MPHOSPH8: variants seen among roughly 807,000 people sequenced by gnomAD.
The protein encoded by MPHOSPH8 is M-phase phosphoprotein, mpp.
Under a neutral mutation model 87.3 loss-of-function variants are expected in MPHOSPH8, and 45 were observed. The observed-to-expected ratio is 0.52, with a 90% CI of 0.41 to 0.66. MPHOSPH8 has a LOEUF of 0.66. Ranked by LOEUF, MPHOSPH8 falls within the 30% of genes least tolerant of loss-of-function variation. The pLI, the probability that MPHOSPH8 is intolerant of heterozygous loss-of-function variation, is 0.00. For missense variants in MPHOSPH8, 883 were observed against 1,020.2 expected (o/e 0.87, Z 1.83); for synonymous variants, 366 against 376.9 (o/e 0.97, Z 0.33).
rs368354077 is a variant in MPHOSPH8 at position 19,647,224 on chromosome 13, A to C, written c.1151A>C (p.Gln384Pro). 8.7e-6 allele frequency: 14 copies of C among 1,614,090 alleles called. No homozygotes were observed. In the African/African-American group the frequency reaches 1.1e-4, roughly 12 times the overall value. ...GAGAAGCTGATGCCTGTATCTGCCC[A>C]AACGCCAAAGGGCCGGAGGTTGAGC... is the stretch of plus-strand genomic sequence containing the variant. ...ELEKLMPVSA[Q>P]TPKGRRLSGE... The change falls in exon 3 of 14, where the codon CAA (glutamine) becomes CCA (proline). Residue 384 changes from glutamine (Q) to proline (P), a missense_variant. Around this residue, in one of 3 missense-constraint regions of MPHOSPH8, gnomAD observed 741 missense variants for 841.5 expected, o/e 0.88. Transcript: ENST00000361479.
intron 5 of MPHOSPH8, among the ~76,000 whole-genome samples, chr13:19,658,134 T>A (rs1359245418): frequency 6.6e-6 from 1 of 152,224 alleles, no homozygotes; most frequent in Admixed American, 6.5e-5. Flanking sequence ...CTGTCAGCTC[T>A]CAGAGTTAGC....
At chr13:19,663,781 G>A (rs903409441) in intron 9 of MPHOSPH8, among the ~76,000 whole-genome samples, 2 of 152,178 alleles carry the variant, frequency 1.3e-5, no homozygotes, top group African/African-American at 4.8e-5. Flanking sequence ...TCAGCTCCCT[G>A]TGGGGACCTG....
chr13:19,669,565 G>A (rs1876005029), intron 11 of MPHOSPH8, among the ~76,000 whole-genome samples: 2 of 147,634 alleles, frequency 1.4e-5, no homozygotes, highest in Admixed American at 1.4e-4. Context: ...CTGGAGTGCA[G>A]TGGTGCGATC....
intron 12 of MPHOSPH8, chr13:19,670,820 C>T (rs1876078795): frequency 1.0e-6 from 1 of 964,906 alleles, no homozygotes; most frequent in Non-Finnish European, 1.3e-6. Flanking sequence ...AAATAAATCA[C>T]TTTTTTTTTT....
At chr13:19,663,301 G>A (rs1257481797) in intron 9 of MPHOSPH8, among the ~76,000 whole-genome samples, 175 bp downstream of exon 9, 1 of 152,224 alleles carries the variant, frequency 6.6e-6, no homozygotes, top group Non-Finnish European at 1.5e-5. Flanking sequence ...GTAGCAGTGA[G>A]AGCTCAGTAT....
chr13:19,652,415 C>T (rs546157772), intron 5 of MPHOSPH8, among the ~76,000 whole-genome samples: 27 of 152,298 alleles, frequency 1.8e-4, no homozygotes, highest in South Asian at 8.3e-4. Flanking sequence ...CTGTGCTTTT[C>T]CCATGGTCTT....
At chr13:19,655,093 A>C (rs750421246) in intron 5 of MPHOSPH8, among the ~76,000 whole-genome samples, 15 of 152,256 alleles carry the variant, frequency 9.9e-5, no homozygotes, top group Non-Finnish European at 2.1e-4. Context: ...ATTGTAAAGG[A>C]GAAATTGATT....
In MPHOSPH8 at chr13:19,673,393, C is replaced by T. The variant is rs982436442; in HGVS notation, c.*1518C>T. 2 of 246,444 alleles carry T rather than the reference C, an allele frequency of 8.1e-6. No homozygotes were observed. The highest frequency in any genetic ancestry group is 4.9e-5 in the Admixed American group (1 of 20,370). The allele number at this position is 246,444 out of a possible 1,614,324, so 15.3% of individuals were successfully genotyped here. A position where few individuals can be genotyped will look rare whatever the true frequency, so the allele number is the denominator to read the frequency against. ...TCAGAGAACCATTTTTACTTTACAT[C>T]CTAAAACTGCCTTTTCCTATGGTTT... On this transcript the variant is annotated 3_prime_UTR_variant, in exon 14 of 14. Transcript: ENST00000361479.
Position 19,673,363 on chromosome 13 carries a change from A to C in MPHOSPH8, c.*1488A>C, listed in dbSNP as rs1182027223. On this transcript the variant is annotated 3_prime_UTR_variant, in exon 14 of 14. Transcript: ENST00000361479. ...CTTTTCAGAATTCACGTTTGTGTAG[A>C]TATTTCAGAGAACCATTTTTACTTT... The C allele has an allele frequency of 3.7e-6, 1 of 273,208 alleles. No individual in the cohort carries two copies. The highest frequency in any genetic ancestry group is 2.2e-5 in the African/African-American group (1 of 45,428). The allele number at this position is 273,208 out of a possible 1,614,324, so 16.9% of individuals were successfully genotyped here. A position where few individuals can be genotyped will look rare whatever the true frequency, so the allele number is the denominator to read the frequency against.
chr13:19,658,969 G>C, intron 5 of MPHOSPH8, 26 bp from the exon 6 acceptor site: 1 of 1,598,550 alleles, frequency 6.3e-7, no homozygotes, highest in Non-Finnish European at 8.5e-7. Context: ...ACAAATGTAT[G>C]TTAACAAGGC....
intron 1 of MPHOSPH8, among the ~76,000 whole-genome samples, chr13:19,635,952 C>T (rs1873984563): frequency 6.6e-6 from 1 of 152,152 alleles, no homozygotes; most frequent in South Asian, 2.1e-4. Flanking sequence ...AAGCGTCTGG[C>T]ATTTCCCCTG....
intron 1 of MPHOSPH8, 137 bp downstream of exon 1, chr13:19,634,098 A>C: frequency 2.2e-6 from 2 of 907,798 alleles, no homozygotes; most frequent in Non-Finnish European, 3.4e-6. Context: ...AGCACGCGAA[A>C]TCGTGGGAAA....
intron 5 of MPHOSPH8, among the ~76,000 whole-genome samples, chr13:19,657,408 C>CTT (rs113337674): frequency 1.4e-5 from 2 of 141,946 alleles, no homozygotes; most frequent in African/African-American, 5.2e-5. Context: ...AAAAAAATAG[C>CTT]TTTTTTTTTT....
At chr13:19,653,931 A>G (rs1287511450) in intron 5 of MPHOSPH8, among the ~76,000 whole-genome samples, 1 of 152,218 alleles carries the variant, frequency 6.6e-6, no homozygotes, top group Non-Finnish European at 1.5e-5. Flanking sequence ...TCTACGTTTA[A>G]TTAGTGTACG....
chr13:19,667,912 G>A (rs1467031440), intron 10 of MPHOSPH8, among the ~76,000 whole-genome samples: 4 of 152,128 alleles, frequency 2.6e-5, no homozygotes, highest in African/African-American at 4.8e-5. Context: ...AGCAGGTCTC[G>A]GGTGGGCCTC....
chr13:19,655,317 A>G (rs1374065999), intron 5 of MPHOSPH8, among the ~76,000 whole-genome samples: 2 of 152,104 alleles, frequency 1.3e-5, no homozygotes, highest in Non-Finnish European at 2.9e-5. Flanking sequence ...CAAAAAATTA[A>G]AAAAGCTGGG....
intron 5 of MPHOSPH8, among the ~76,000 whole-genome samples, chr13:19,654,385 G>A (rs1805808698): frequency 6.6e-6 from 1 of 152,180 alleles, no homozygotes; most frequent in Non-Finnish European, 1.5e-5. Flanking sequence ...TAGATGACAG[G>A]ATGAGGGGTG....
intron 9 of MPHOSPH8, among the ~76,000 whole-genome samples, chr13:19,665,589 G>A (rs1875769231): frequency 1.3e-5 from 2 of 152,144 alleles, no homozygotes; most frequent in Admixed American, 6.5e-5. Context: ...TCCCCTGATG[G>A]CAGAGTTCCC....
chr13:19,655,967 G>C (rs1875140447), intron 5 of MPHOSPH8, among the ~76,000 whole-genome samples: 1 of 152,010 alleles, frequency 6.6e-6, no homozygotes, highest in Non-Finnish European at 1.5e-5. Flanking sequence ...ACAAAATTAG[G>C]CGCATGCCTG....
Sources: gnomAD v4.1 joint callset for allele counts (sites outside exome capture counted in the v4.1 genomes callset) on GRCh38, gnomAD v4.1.1 for gene constraint, gnomAD v4.1.1 regional missense constraint, MANE v1.5 for transcripts, NCBI Gene and HGNC (gene_info 2026-07-23, HGNC 2026-07-21) for gene names.